Variants in RGS3 observed in about 807,000 individuals in gnomAD.
The protein encoded by RGS3 is regulator of G protein signaling 3.
RGS3 carries 80 observed loss-of-function variants against 132.6 expected under a neutral mutation model. The ratio of observed to expected loss-of-function variants is 0.60; its 90% CI spans 0.50 to 0.73. The LOEUF (loss-of-function observed/expected upper bound fraction) is 0.73, where lower values mean the gene tolerates loss of function less well. Among genes scored for constraint, RGS3 ranks in the 30% least tolerant of loss-of-function variants. The probability of loss-of-function intolerance (pLI) is 0.00; values close to 1 mark genes in which losing one functional copy is unlikely to be tolerated. For synonymous variants in RGS3, 598 were observed against 620.6 expected, an observed-to-expected ratio of 0.96 and a Z score of 0.54; for missense variants, 1,382 against 1,530.8, an observed-to-expected ratio of 0.90 and a Z score of 1.62.
chr9:113,478,204 C>T (rs1486476865), intron 3 of RGS3, among the ~76,000 whole-genome samples: 1 of 152,144 alleles, frequency 6.6e-6, no homozygotes, highest in Non-Finnish European at 1.5e-5. Context: ...TACATGTCCC[C>T]TCCCTCCCTG....
At chr9:113,555,760 C>T (rs1258866573) in intron 19 of RGS3, among the ~76,000 whole-genome samples, 6 of 152,154 alleles carry the variant, frequency 3.9e-5, no homozygotes, top group Non-Finnish European at 5.9e-5. Context: ...CCACCCTGGC[C>T]GGTTGTGACT....
In RGS3 at chr9:113,537,738, C is replaced by T. The variant is rs917770140; in HGVS notation, c.2037+820C>T. ...AAGCTGCAGCCTGTAACTTGCTGGCCTTTTCACTTCTCCCTGGTGCAGTCA... is the reference window on the plus strand; with the variant it reads ...AAGCTGCAGCCTGTAACTTGCTGGCTTTTTCACTTCTCCCTGGTGCAGTCA... On this transcript the variant is annotated intron_variant, in intron 19 of 24. Coordinates refer to ENST00000350696, the Ensembl canonical transcript of RGS3. The surrounding 1 kb of genome is among the most constrained non-coding windows in gnomAD (Gnocchi z 4.3). Among the ~76,000 whole-genome samples the T allele has an allele frequency of 6.6e-6, 1 of 152,142 alleles. No homozygotes were observed. The highest frequency in any genetic ancestry group is 2.4e-5 in the African/African-American group (1 of 41,416).
chr9:113,453,161 C>CATATGATTATATAATATACTCATT (rs1554752346), intron 1 of RGS3, among the ~76,000 whole-genome samples: 8,081 of 116,796 alleles, frequency 0.069, 587 homozygotes, highest in Non-Finnish European at 0.1. Context: ...ATAATATACT[C>CATATGATTATATAATATACTCATT]ATATGATTAT....
At chr9:113,541,865 A>G (rs1244049045) in intron 19 of RGS3, 39 of 986,466 alleles carry the variant, frequency 4.0e-5, no homozygotes, top group Non-Finnish European at 4.6e-5. Context: ...ACATTGGCTC[A>G]TTCATTCGAT....
At chr9:113,473,652 G>A (rs1360874360) in intron 3 of RGS3, among the ~76,000 whole-genome samples, 1 of 152,190 alleles carries the variant, frequency 6.6e-6, no homozygotes, top group Non-Finnish European at 1.5e-5. Flanking sequence ...CTCCCAAAGT[G>A]TTGGGATTAC....
chr9:113,540,036 A>AT (rs1832840000), intron 19 of RGS3, among the ~76,000 whole-genome samples: 1 of 151,818 alleles, frequency 6.6e-6, no homozygotes, highest in Non-Finnish European at 1.5e-5. Context: ...TCTAGTATCC[A>AT]TTTTTTGTAG....
chr9:113,579,724 T>G lies in RGS3; in HGVS notation c.2038-3726T>G, dbSNP rs1431782866. Among the ~76,000 whole-genome samples the G allele has an allele frequency of 1.3e-5, 2 of 152,244 alleles. No homozygotes were observed. Among genetic ancestry groups the G allele is most frequent in the Admixed American group, 1.3e-4 (2 of 15,290 alleles). ...CTAGTTGTCTAACCTCTGTTTTTTC[T>G]ACTTAACTGAGGGCAGAGATTGTGT... is the stretch of plus-strand genomic sequence containing the variant. On this transcript the variant is annotated intron_variant, in intron 19 of 24. Coordinates refer to ENST00000350696, the Ensembl canonical transcript of RGS3. The surrounding 1 kb of genome is among the most constrained non-coding windows in gnomAD (Gnocchi z 4.3).
At chr9:113,596,695 C>T in intron 24 of RGS3, 73 bp from the exon 23 acceptor site, 1 of 1,357,370 alleles carries the variant, frequency 7.4e-7, no homozygotes, top group Non-Finnish European at 1.0e-6. Flanking sequence ...TGGATGGGTC[C>T]CTTCCAGGCA....
chr9:113,489,694 AT>A (rs796193756), intron 7 of RGS3, among the ~76,000 whole-genome samples: 6,060 of 141,934 alleles, frequency 0.043, 135 homozygotes, highest in South Asian at 0.1. Flanking sequence ...CAGCTACTTA[AT>A]TTTTTTTTTT....
At chr9:113,517,559 C>T (rs781573879) in exon 16 of RGS3, 5 of 1,613,334 alleles carry the variant, frequency 3.1e-6, no homozygotes, top group East Asian at 4.5e-5. Context: ...TCTCTGTAAT[C>T]CTGCCCGGAC....
At chr9:113,554,081 C>G (rs1053250078) in intron 19 of RGS3, among the ~76,000 whole-genome samples, 1 of 152,174 alleles carries the variant, frequency 6.6e-6, no homozygotes, top group African/African-American at 2.4e-5. Context: ...ATGTCATCTC[C>G]CCAACACTAT....
chr9:113,518,938 C>G (rs553336106), intron 16 of RGS3, among the ~76,000 whole-genome samples: 19 of 152,172 alleles, frequency 1.2e-4, no homozygotes, highest in Non-Finnish European at 2.4e-4. Flanking sequence ...TTCACAGACT[C>G]ATAAGAAGCC....
At chr9:113,465,439 CTGTGTG>C (rs3221187) in intron 3 of RGS3, among the ~76,000 whole-genome samples, 260 of 135,408 alleles carry the variant, frequency 1.9e-3, no homozygotes, top group Middle Eastern at 0.011. Flanking sequence ...ACACCTATTT[CTGTGTG>C]TGTGTGTGTG....
At chr9:113,561,400 G>C (rs1325748843) in intron 19 of RGS3, among the ~76,000 whole-genome samples, 1 of 142,004 alleles carries the variant, frequency 7.0e-6, no homozygotes, top group Non-Finnish European at 1.5e-5. Context: ...CCCTCTTTCT[G>C]TCTCTCTCTC....
At chr9:113,585,209 C>T (rs1386045168) in intron 20 of RGS3, among the ~76,000 whole-genome samples, 4 of 152,200 alleles carry the variant, frequency 2.6e-5, no homozygotes, top group African/African-American at 7.2e-5. Flanking sequence ...GAACAGATTG[C>T]GCCATGATCT....
At chr9:113,460,959 G>A (rs116951549) in intron 1 of RGS3, among the ~76,000 whole-genome samples, 6,262 of 152,166 alleles carry the variant, frequency 0.041, 167 homozygotes, top group South Asian at 0.1. Context: ...CTGTATATAT[G>A]CATATGGTAT....
chr9:113,447,768 C>T (rs575030249), intron 1 of RGS3, among the ~76,000 whole-genome samples: 3 of 151,720 alleles, frequency 2.0e-5, no homozygotes, highest in African/African-American at 7.2e-5. Context: ...CAAATCTATC[C>T]ACTTCTCTCT....
At chr9:113,564,646 T>C (rs1380206332) in intron 19 of RGS3, among the ~76,000 whole-genome samples, 1 of 152,142 alleles carries the variant, frequency 6.6e-6, no homozygotes, top group Admixed American at 6.5e-5. Flanking sequence ...TAACTCTCAT[T>C]ATAGCCAATA....
chr9:113,571,630 T>G (rs768329600), intron 19 of RGS3, among the ~76,000 whole-genome samples: 1 of 152,224 alleles, frequency 6.6e-6, no homozygotes, highest in Non-Finnish European at 1.5e-5. Context: ...TTGTTGGATG[T>G]GCACATTCCA....
Sources: gnomAD v4.1 joint callset for allele counts (sites outside exome capture counted in the v4.1 genomes callset) on GRCh38, gnomAD v4.1.1 for gene constraint, Gnocchi (gnomAD v3.1) non-coding constraint, MANE v1.5 for transcripts, NCBI Gene and HGNC (gene_info 2026-07-23, HGNC 2026-07-21) for gene names.